The following ATP6V0C variants were observed in gnomAD, a reference collection of about 807,000 sequenced individuals.
ATP6V0C encodes ATPase H+ transporting V0 subunit c.
In ATP6V0C, 2 loss-of-function variants were observed where a neutral mutation model predicts 10.6. The observed-to-expected ratio is 0.19, with a 90% CI of 0.08 to 0.59. The LOEUF is 0.59. Among genes scored for constraint, ATP6V0C ranks in the 20% least tolerant of loss-of-function variants. The pLI, the probability that ATP6V0C is intolerant of heterozygous loss-of-function variation, is 0.90. For synonymous variants in ATP6V0C, 128 were observed against 101.3 expected (o/e 1.26, Z -1.59); for missense variants, 89 against 225.9 (o/e 0.39, Z 3.88).
At chr16:2,514,656 A>G (rs967684754) in intron 1 of ATP6V0C, among the ~76,000 whole-genome samples, 54 of 151,946 alleles carry the variant, frequency 3.6e-4, no homozygotes, top group African/African-American at 1.3e-3. Context: ...GCTGGTGGGG[A>G]GCCCATGTCC....
chr16:2,514,568 A>G (rs1430113163), intron 1 of ATP6V0C, among the ~76,000 whole-genome samples: 4 of 149,598 alleles, frequency 2.7e-5, no homozygotes, highest in Non-Finnish European at 5.9e-5. Flanking sequence ...AGGTGACATC[A>G]CACCTCGAAG....
At position 2,513,969 on chromosome 16, in the gene ATP6V0C, T is replaced by G; in HGVS notation, c.-135T>G. 5 of 753,646 alleles carry G rather than the reference T, an allele frequency of 6.6e-6. No homozygotes were observed. Among genetic ancestry groups the G allele is most frequent in the East Asian group, 3.1e-5 (1 of 31,876 alleles). 46.7% of individuals were successfully genotyped at this position (753,646 alleles called of 1,614,324 possible). ...GCCATTTTGTTCTGCGGTGCTGGTATTTAGAGCGCAGCGGCTGACGGGCCG... is the reference window on the plus strand; with the variant it reads ...GCCATTTTGTTCTGCGGTGCTGGTAGTTAGAGCGCAGCGGCTGACGGGCCG... On this transcript the variant is annotated 5_prime_UTR_variant, in exon 1 of 3. Coordinates refer to ENST00000330398, the MANE Select transcript of ATP6V0C (RefSeq NM_001694.4).
At position 2,519,838 on chromosome 16, in the gene ATP6V0C, C is replaced by T; in HGVS notation, c.*93C>T. ...AGCCTGACACATACGCACGGGGCCG[C>T]CGCCCCCAGTAGTTGGTCTTGTACA... On this transcript the variant is annotated 3_prime_UTR_variant, in exon 3 of 3. Transcript: ENST00000330398. The T allele has an allele frequency of 6.7e-7, 1 of 1,495,918 alleles. No individual in the cohort carries two copies. Among genetic ancestry groups the T allele is most frequent in the Admixed American group, 1.7e-5 (1 of 57,406 alleles). The allele number at this position is 1,495,918 out of a possible 1,614,324, so 92.7% of individuals were successfully genotyped here. A position where few individuals can be genotyped will look rare whatever the true frequency, so the allele number is the denominator to read the frequency against.
chr16:2,517,713 TTGTGTGTGTGTGTGTGTGTGTG>T (rs142726423), intron 1 of ATP6V0C: 2 of 141,514 alleles, frequency 1.4e-5, no homozygotes, highest in Non-Finnish European at 3.1e-5. Context: ...GTCAGGCTGT[TTGTGTGTGTGTGTGTGTGTGTG>T]TGTGTGTGTG....
At chr16:2,515,395 G>A (rs1485657848) in intron 1 of ATP6V0C, among the ~76,000 whole-genome samples, 1 of 152,222 alleles carries the variant, frequency 6.6e-6, no homozygotes, top group Non-Finnish European at 1.5e-5. Flanking sequence ...GATATGTGGA[G>A]GGTTTGAACT....
chr16:2,518,982 T>G (rs2065892664), intron 1 of ATP6V0C: 1 of 501,620 alleles, frequency 2.0e-6, no homozygotes, highest in Admixed American at 3.7e-5. Context: ...AGAGCTGGAC[T>G]CTGAGGGTGG....
chr16:2,514,797 G>A (rs1019120955), intron 1 of ATP6V0C, among the ~76,000 whole-genome samples: 16 of 152,220 alleles, frequency 1.1e-4, no homozygotes, highest in Non-Finnish European at 2.1e-4. Context: ...TGTGTGGGCT[G>A]TTTGGGAAAG....
rs751895923 is a variant in ATP6V0C, at chr16:2,519,956, A to G, written c.*211A>G. ...ATCTGGGCCCACTCATCGCCCCTCC[A>G]GGCCCCCGGCGCCCCACCCCCTAGA... On this transcript the variant is annotated 3_prime_UTR_variant, in exon 3 of 3. Coordinates refer to ENST00000330398, the MANE Select transcript of ATP6V0C (RefSeq NM_001694.4). 1 of 444,728 alleles carries G rather than the reference A, an allele frequency of 2.2e-6. No homozygotes were observed. Among genetic ancestry groups the G allele is most frequent in the Non-Finnish European group, 3.7e-6 (1 of 270,984 alleles). 27.5% of individuals were successfully genotyped at this position (444,728 alleles called of 1,614,324 possible).
At chr16:2,514,345 TG>T in intron 1 of ATP6V0C, 163 bp downstream of exon 1, 1 of 646,660 alleles carries the variant, frequency 1.5e-6, no homozygotes, top group Non-Finnish European at 2.2e-6. Flanking sequence ...CCCCGAGGGC[TG>T]CGGGGAGCCG....
chr16:2,517,217 T>A (rs2065881073), intron 1 of ATP6V0C: 1 of 152,334 alleles, frequency 6.6e-6, no homozygotes. Flanking sequence ...AAATGCACTG[T>A]AACCAGGAGT....
intron 1 of ATP6V0C, among the ~76,000 whole-genome samples, chr16:2,514,678 T>C (rs1319745226): frequency 6.6e-6 from 1 of 151,622 alleles, no homozygotes; most frequent in East Asian, 1.9e-4. Flanking sequence ...CCACGGGAGG[T>C]CCTCAGCCCT....
intron 1 of ATP6V0C, among the ~76,000 whole-genome samples, chr16:2,514,779 C>G (rs547629232): frequency 1.3e-5 from 2 of 152,190 alleles, no homozygotes; most frequent in South Asian, 2.1e-4. Context: ...GCCCAATACC[C>G]GTGTCGCTGT....
intron 1 of ATP6V0C, among the ~76,000 whole-genome samples, chr16:2,518,475 C>T (rs183145891): frequency 6.6e-6 from 1 of 152,302 alleles, no homozygotes; most frequent in East Asian, 1.9e-4. Context: ...CAGCTGAGGC[C>T]TCGTAGTTGG....
intron 1 of ATP6V0C, among the ~76,000 whole-genome samples, chr16:2,515,227 G>A (rs899987835): frequency 2.6e-5 from 4 of 152,120 alleles, no homozygotes; most frequent in Non-Finnish European, 5.9e-5. Flanking sequence ...CTAGGCCCAG[G>A]AATGTGGGTC....
chr16:2,514,166 C>A lies in ATP6V0C; in HGVS notation c.63C>A (p.Ala21=), dbSNP rs752950807. 3 of 1,581,446 alleles carry A rather than the reference C, an allele frequency of 1.9e-6. No individual in the cohort carries two copies. Among genetic ancestry groups the A allele is most frequent in the Admixed American group, 1.8e-5 (1 of 56,914 alleles). The change falls in exon 1 of 3, where the codon GCC becomes GCA. Residue 21 remains alanine (A), a synonymous_variant. Transcript: ENST00000330398. The part of the protein sequence containing the change: ...ASFFAVMGAS[A]AMVFSALGAA... ...TTTTCGCCGTCATGGGCGCCTCGGC[C>A]GCCATGGTCTTCAGCGGTGAGCGCG... is the stretch of plus-strand genomic sequence containing the variant.
Position 2,519,907 on chromosome 16 carries a change from C to A in ATP6V0C, c.*162C>A, listed in dbSNP as rs2065901148. 2.0e-6 allele frequency: 2 copies of A among 1,014,240 alleles called. No homozygotes were observed. Among genetic ancestry groups the A allele is most frequent in the African/African-American group, 1.6e-5 (1 of 62,256 alleles). 62.8% of individuals were successfully genotyped at this position (1,014,240 alleles called of 1,614,324 possible). On this transcript the variant is annotated 3_prime_UTR_variant, in exon 3 of 3. Transcript: ENST00000330398. ...CCATCGTCTGTTTCCCCGGCCTTGCCCCCGCCCGCCCCGTGCCGTGGACAT... is the reference window on the plus strand; with the variant it reads ...CCATCGTCTGTTTCCCCGGCCTTGCACCCGCCCGCCCCGTGCCGTGGACAT...
At position 2,519,994 on chromosome 16, in the gene ATP6V0C, T is replaced by G. The variant is rs934267969; in HGVS notation, c.*249T>G. 1.4e-6 allele frequency: 1 copy of G among 694,572 alleles called. No individual in the cohort carries two copies. Among genetic ancestry groups the G allele is most frequent in the African/African-American group, 1.8e-5 (1 of 56,876 alleles). 43.0% of individuals were successfully genotyped at this position (694,572 alleles called of 1,614,324 possible). ...CCCACCCCCTAGAGTGCTCTGTGTA[T>G]GCGGATGATTTAGAATTGTCATTTC... On this transcript the variant is annotated 3_prime_UTR_variant, in exon 3 of 3. Transcript: ENST00000330398.
chr16:2,518,645 C>T (rs1471799988), intron 1 of ATP6V0C, among the ~76,000 whole-genome samples: 3 of 152,176 alleles, frequency 2.0e-5, no homozygotes, highest in African/African-American at 7.2e-5. Context: ...GTTTGGCCCT[C>T]CTAGGTTAAT....
chr16:2,513,978 CA>C lies in ATP6V0C; in HGVS notation c.-125del. 1 of 815,574 alleles carries C rather than the reference CA, an allele frequency of 1.2e-6. No individual in the cohort carries two copies. Among genetic ancestry groups the C allele is most frequent in the Admixed American group, 2.9e-5 (1 of 34,408 alleles). The allele number at this position is 815,574 out of a possible 1,614,324, so 50.5% of individuals were successfully genotyped here. On this transcript the variant is annotated 5_prime_UTR_variant, in exon 1 of 3. Coordinates refer to ENST00000330398, the MANE Select transcript of ATP6V0C (RefSeq NM_001694.4). ...TTCTGCGGTGCTGGTATTTAGAGCG[CA>C]GCGGCTGACGGGCCGGATCGCCTTC... is the stretch of plus-strand genomic sequence containing the variant.
Sources: gnomAD v4.1 joint callset for allele counts (sites outside exome capture counted in the v4.1 genomes callset) on GRCh38, gnomAD v4.1.1 for gene constraint, MANE v1.5 for transcripts, NCBI Gene and HGNC (gene_info 2026-07-23, HGNC 2026-07-21) for gene names.